ZCWPW2: variants seen among roughly 807,000 people sequenced by gnomAD.
The protein encoded by ZCWPW2 is zinc finger CW-type and PWWP domain containing 2, also known as zinc finger CW-type PWWP domain protein 2.
In ZCWPW2, 45 loss-of-function variants were observed where a neutral mutation model predicts 46.6. That is an observed-to-expected ratio of 0.96 (90% CI 0.76 to 1.24). The LOEUF (loss-of-function observed/expected upper bound fraction) is 1.24, where lower values mean the gene tolerates loss of function less well. Ranked by LOEUF, ZCWPW2 falls within the 50% of genes most tolerant of loss-of-function variation. ZCWPW2 has a pLI of 0.00. For synonymous variants in ZCWPW2, 152 were observed against 137.1 expected (o/e 1.11, Z -0.76); for missense variants, 429 against 403.9 (o/e 1.06, Z -0.53).
At chr3:28,459,984 G>T (rs1056985385) in intron 4 of ZCWPW2, among the ~76,000 whole-genome samples, 6 of 152,046 alleles carry the variant, frequency 3.9e-5, no homozygotes, top group South Asian at 4.1e-4. Flanking sequence ...TTTCTGATTG[G>T]TTCATTGGAG....
intron 8 of ZCWPW2, among the ~76,000 whole-genome samples, chr3:28,518,514 G>C (rs1029079774): frequency 2.6e-5 from 4 of 152,204 alleles, no homozygotes; most frequent in African/African-American, 9.6e-5. Context: ...GGAAGCAGAA[G>C]CTGACAGCAG....
At chr3:28,406,096 T>C (rs1006783487) in intron 2 of ZCWPW2, among the ~76,000 whole-genome samples, 1 of 152,212 alleles carries the variant, frequency 6.6e-6, no homozygotes, top group Non-Finnish European at 1.5e-5. Flanking sequence ...GAGCAAAGTG[T>C]TGAAGCTGTG....
chr3:28,461,339 A>G (rs1448935727), intron 4 of ZCWPW2, among the ~76,000 whole-genome samples: 4 of 152,084 alleles, frequency 2.6e-5, no homozygotes, highest in Non-Finnish European at 5.9e-5. Flanking sequence ...CATTTTTTGT[A>G]TAATATTATA....
At chr3:28,403,217 A>G (rs1287382592) in intron 2 of ZCWPW2, among the ~76,000 whole-genome samples, 2 of 152,206 alleles carry the variant, frequency 1.3e-5, no homozygotes, top group African/African-American at 4.8e-5. Context: ...ATACAGAATT[A>G]ATGTACACAA....
chr3:28,367,585 C>T (rs145246599), intron 1 of ZCWPW2, among the ~76,000 whole-genome samples: 23 of 152,214 alleles, frequency 1.5e-4, no homozygotes, highest in Non-Finnish European at 2.9e-4. Context: ...AGTTTTGGAA[C>T]AGGTGTTGTG....
At position 28,462,340 on chromosome 3, in the gene ZCWPW2, G is replaced by A. The variant is rs1056007849; in HGVS notation, c.493-16474G>A. The stretch of plus-strand genomic sequence containing the variant: ...TCCTAGACTCTGAAAAGATTCTTTT[G>A]TGAAGGTGTGGCAAAGAAGGTGTTG... On this transcript the variant is annotated intron_variant, in intron 4 of 9. Coordinates refer to ENST00000383768, the MANE Select transcript of ZCWPW2 (RefSeq NM_001040432.4). Among the ~76,000 whole-genome samples, 11 of 152,308 alleles carry A rather than the reference G, an allele frequency of 7.2e-5. No homozygotes were observed. In the South Asian group the frequency reaches 2.3e-3, roughly 32 times the overall value.
At chr3:28,464,035 A>G (rs572174742) in intron 4 of ZCWPW2, among the ~76,000 whole-genome samples, 1 of 151,490 alleles carries the variant, frequency 6.6e-6, no homozygotes, top group Admixed American at 6.6e-5. Flanking sequence ...ATATTGTGGC[A>G]TTTTCTCTAT....
At chr3:28,409,833 C>CACAAAA (rs1407568694) in intron 2 of ZCWPW2, among the ~76,000 whole-genome samples, 3 of 151,826 alleles carry the variant, frequency 2.0e-5, no homozygotes, top group South Asian at 2.1e-4. Flanking sequence ...ATAAAAGGTG[C>CACAAAA]ACAAAAATGC....
At chr3:28,388,469 G>C (rs1695363168) in intron 1 of ZCWPW2, among the ~76,000 whole-genome samples, 1 of 152,076 alleles carries the variant, frequency 6.6e-6, no homozygotes, top group Non-Finnish European at 1.5e-5. Flanking sequence ...CCTTTTTCCA[G>C]AAGAGGTTGC....
chr3:28,523,154 T>C (rs943096316), intron 9 of ZCWPW2, among the ~76,000 whole-genome samples: 1 of 152,156 alleles, frequency 6.6e-6, no homozygotes, highest in Non-Finnish European at 1.5e-5. Context: ...ATTTTATGCT[T>C]TCAAACAGCA....
chr3:28,430,891 C>T (rs922881078), intron 3 of ZCWPW2, among the ~76,000 whole-genome samples: 1 of 152,150 alleles, frequency 6.6e-6, no homozygotes, highest in Non-Finnish European at 1.5e-5. Context: ...CTAAGGCCTC[C>T]CCAGTCATGT....
intron 4 of ZCWPW2, among the ~76,000 whole-genome samples, chr3:28,449,115 G>T (rs2125777855): frequency 6.6e-6 from 1 of 152,084 alleles, no homozygotes; most frequent in East Asian, 1.9e-4. Context: ...TTGACAGTGG[G>T]GCAAAGACCA....
intron 4 of ZCWPW2, among the ~76,000 whole-genome samples, chr3:28,445,323 T>C (rs999551785): frequency 6.6e-6 from 1 of 152,038 alleles, no homozygotes; most frequent in Non-Finnish European, 1.5e-5. Flanking sequence ...TCTGCATAAC[T>C]TAAGATACTG....
chr3:28,394,694 C>G (rs1695626435), intron 2 of ZCWPW2, among the ~76,000 whole-genome samples: 1 of 152,054 alleles, frequency 6.6e-6, no homozygotes, highest in East Asian at 1.9e-4. Flanking sequence ...CTTAAGAAAA[C>G]TGGATATTCA....
intron 1 of ZCWPW2, among the ~76,000 whole-genome samples, chr3:28,367,106 C>A (rs1705148009): frequency 6.6e-6 from 1 of 152,150 alleles, no homozygotes; most frequent in Admixed American, 6.5e-5. Flanking sequence ...CTCCTGGCTT[C>A]ATTGATTTTT....
intron 1 of ZCWPW2, among the ~76,000 whole-genome samples, chr3:28,370,597 A>T (rs775016954): frequency 6.6e-6 from 1 of 152,074 alleles, no homozygotes; most frequent in Non-Finnish European, 1.5e-5. Flanking sequence ...AGGTTATAAG[A>T]TATCTAAGGT....
At chr3:28,420,119 T>C (rs1191489037) in intron 3 of ZCWPW2, among the ~76,000 whole-genome samples, 1 of 151,712 alleles carries the variant, frequency 6.6e-6, no homozygotes, top group African/African-American at 2.4e-5. Context: ...TTTGAAGGGG[T>C]TTTTGTGTCT....
chr3:28,435,262 C>T lies in ZCWPW2; in HGVS notation c.485C>T (p.Thr162Ile), dbSNP rs1343157123. Residue 162 changes from threonine (T) to isoleucine (I), a missense_variant, in exon 4 of 10, where the codon ACA (threonine) becomes ATA (isoleucine). By Grantham distance (89) the Thr-to-Ile change is moderately conservative. Transcript: ENST00000383768. ...KATFVGHYSI[T>I]LKPEKCKNKK... ...ACATTCGTTGGACATTATAGTATCA[C>T]ATTAAAGGTAGGTATCATAACATCA... 6.9e-6 allele frequency: 11 copies of T among 1,603,920 alleles called. No individual in the cohort carries two copies. The highest frequency in any genetic ancestry group is 5.7e-5 in the South Asian group (5 of 88,222).
chr3:28,430,376 A>G (rs2125758097), intron 3 of ZCWPW2, among the ~76,000 whole-genome samples: 1 of 152,350 alleles, frequency 6.6e-6, no homozygotes, highest in Admixed American at 6.5e-5. Context: ...CTTATTTGGA[A>G]TGAGTGTATT....
Sources: gnomAD v4.1 joint callset for allele counts (sites outside exome capture counted in the v4.1 genomes callset) on GRCh38, gnomAD v4.1.1 for gene constraint, MANE v1.5 for transcripts, NCBI Gene and HGNC (gene_info 2026-07-23, HGNC 2026-07-21) for gene names.